BCAS3: variants seen among roughly 807,000 people sequenced by gnomAD.
BCAS3 encodes BCAS3 microtubule associated cell migration factor.
A neutral mutation model predicts 116.1 loss-of-function variants in BCAS3; 53 were observed. The observed-to-expected ratio is 0.46, with a 90% CI of 0.37 to 0.57. BCAS3 has a LOEUF of 0.57. Ranked by LOEUF, BCAS3 falls within the 20% of genes least tolerant of loss-of-function variation. The pLI, the probability that BCAS3 is intolerant of heterozygous loss-of-function variation, is 0.00. For missense variants in BCAS3, 917 were observed against 1,165.4 expected, an observed-to-expected ratio of 0.79 and a Z score of 3.10; for synonymous variants, 391 against 408.2, an observed-to-expected ratio of 0.96 and a Z score of 0.51.
chr17:61,373,533 G>A (rs561123201), intron 23 of BCAS3, among the ~76,000 whole-genome samples: 52 of 151,304 alleles, frequency 3.4e-4, no homozygotes, highest in African/African-American at 1.1e-3. Context: ...GGGTTCAAGC[G>A]ATTCTCATGC....
intron 7 of BCAS3, among the ~76,000 whole-genome samples, chr17:60,823,767 A>G (rs932367859): frequency 3.3e-5 from 5 of 152,206 alleles, no homozygotes; most frequent in African/African-American, 9.6e-5. Flanking sequence ...ATGAAAGCCA[A>G]TGGTGCATTA....
chr17:60,764,489 C>G (rs2043880593), intron 6 of BCAS3, among the ~76,000 whole-genome samples: 1 of 152,122 alleles, frequency 6.6e-6, no homozygotes, highest in Non-Finnish European at 1.5e-5. Context: ...GTTCAGTTTC[C>G]ATGTAGTTGT....
chr17:61,132,636 G>A lies in BCAS3; in HGVS notation c.2425+48072G>A, dbSNP rs1297928807. ...GAGAGGGAGAAAGATAAAGTGCCTT[G>A]GAAGCCGTGAAACATTCTAGGGAGC... is the stretch of plus-strand genomic sequence containing the variant. On this transcript the variant is annotated intron_variant, in intron 22 of 23. Coordinates refer to ENST00000407086, the MANE Select transcript of BCAS3 (RefSeq NM_017679.5). This position sits in a 1 kb window ranked among gnomAD's most constrained non-coding sequence, Gnocchi z 5.1. Among the ~76,000 whole-genome samples the A allele has an allele frequency of 1.3e-5, 2 of 152,160 alleles. No homozygotes were observed. Among genetic ancestry groups the A allele is most frequent in the Non-Finnish European group, 2.9e-5 (2 of 68,040 alleles).
chr17:61,185,798 G>A (rs987271829), intron 22 of BCAS3, among the ~76,000 whole-genome samples: 22 of 152,048 alleles, frequency 1.4e-4, no homozygotes, highest in Admixed American at 1.1e-3. Context: ...GTGAGAAATC[G>A]GTTACCTTAT....
At chr17:61,080,653 G>C (rs1412270786) in intron 21 of BCAS3, among the ~76,000 whole-genome samples, 2 of 152,042 alleles carry the variant, frequency 1.3e-5, no homozygotes, top group Non-Finnish European at 2.9e-5. Context: ...CCAGCTACTC[G>C]GGAGGCTGCG....
At chr17:61,257,648 T>C (rs1314797310) in intron 22 of BCAS3, among the ~76,000 whole-genome samples, 1 of 152,178 alleles carries the variant, frequency 6.6e-6, no homozygotes, top group African/African-American at 2.4e-5. Context: ...AAATCTTAAT[T>C]CATTATTGTC....
intron 22 of BCAS3, among the ~76,000 whole-genome samples, chr17:61,296,242 T>G (rs970690344): frequency 1.1e-4 from 17 of 152,190 alleles, no homozygotes; most frequent in Admixed American, 1.1e-3. Flanking sequence ...TCATATGCAT[T>G]CTCCAAGTTC....
At chr17:61,383,871 C>T (rs913150558) in intron 23 of BCAS3, 10 of 152,270 alleles carry the variant, frequency 6.6e-5, no homozygotes, top group African/African-American at 2.4e-4. Flanking sequence ...AGCCACTCTC[C>T]TGTGGTCTGC....
In BCAS3 at chr17:61,132,164, T is replaced by G. The variant is rs1568420507; in HGVS notation, c.2425+47600T>G. Among the ~76,000 whole-genome samples, 1 of 152,246 alleles carries G rather than the reference T, an allele frequency of 6.6e-6. No homozygotes were observed. The highest frequency in any genetic ancestry group is 1.5e-5 in the Non-Finnish European group (1 of 68,034). On this transcript the variant is annotated intron_variant, in intron 22 of 23. Transcript: ENST00000407086. This position sits in a 1 kb window ranked among gnomAD's most constrained non-coding sequence, Gnocchi z 5.1. ...TCACACTTCTGGTTTTTTCCAGTGA[T>G]TTTTACTAAATTTGATGTTAGGTAC...
chr17:61,105,360 G>C lies in BCAS3; in HGVS notation c.2425+20796G>C, dbSNP rs1044340651. Among the ~76,000 whole-genome samples the C allele has an allele frequency of 6.6e-6, 1 of 152,198 alleles. No homozygotes were observed. On this transcript the variant is annotated intron_variant, in intron 22 of 23. Coordinates refer to ENST00000407086, the MANE Select transcript of BCAS3 (RefSeq NM_017679.5). The surrounding 1 kb of genome is among the most constrained non-coding windows in gnomAD (Gnocchi z 4.3). Reference sequence around the variant, plus strand: ...TTCAATAAAACTTAAGTGGAATGTGGCTAGAAAAGCAGACCCATGAAAGGC... The same window carrying C: ...TTCAATAAAACTTAAGTGGAATGTGCCTAGAAAAGCAGACCCATGAAAGGC...
intron 4 of BCAS3, among the ~76,000 whole-genome samples, chr17:60,707,037 G>C (rs189590778): frequency 3.8e-4 from 58 of 151,974 alleles, no homozygotes; most frequent in African/African-American, 1.4e-3. Flanking sequence ...TGTTGCCCAG[G>C]CTGGAGTGCA....
At chr17:60,872,469 TA>T (rs1407886811) in intron 8 of BCAS3, among the ~76,000 whole-genome samples, 4 of 141,756 alleles carry the variant, frequency 2.8e-5, no homozygotes, top group African/African-American at 1.2e-4. Context: ...ACACCCCATA[TA>T]TATCTGTATG....
intron 18 of BCAS3, among the ~76,000 whole-genome samples, chr17:61,040,464 T>C (rs867860600): frequency 6.6e-6 from 1 of 152,236 alleles, no homozygotes; most frequent in Admixed American, 6.5e-5. Flanking sequence ...AGAAATTACA[T>C]AAATTAGAAC....
intron 12 of BCAS3, among the ~76,000 whole-genome samples, chr17:60,911,453 A>C (rs560960548): frequency 1.3e-5 from 2 of 152,170 alleles, no homozygotes; most frequent in Admixed American, 6.5e-5. Context: ...GCGTGCCTCC[A>C]TGCCCAGCTG....
chr17:60,824,082 A>G (rs935677535), intron 7 of BCAS3, among the ~76,000 whole-genome samples: 1 of 152,194 alleles, frequency 6.6e-6, no homozygotes, highest in Admixed American at 6.5e-5. Context: ...TTAGTATTCA[A>G]TTCATTTTTC....
chr17:60,726,180 C>T (rs1427900878), intron 5 of BCAS3, among the ~76,000 whole-genome samples: 2 of 149,336 alleles, frequency 1.3e-5, no homozygotes, highest in East Asian at 4.0e-4. Context: ...CAGGCGTGAG[C>T]CACTGCTCCC....
At chr17:60,887,951 C>G (rs2056845522) in intron 9 of BCAS3, among the ~76,000 whole-genome samples, 1 of 152,132 alleles carries the variant, frequency 6.6e-6, no homozygotes, top group Non-Finnish European at 1.5e-5. Flanking sequence ...ATCCAGTTCT[C>G]TTTGTCCAAT....
At chr17:61,146,611 T>G (rs1199444554) in intron 22 of BCAS3, among the ~76,000 whole-genome samples, 1 of 152,200 alleles carries the variant, frequency 6.6e-6, no homozygotes, top group Non-Finnish European at 1.5e-5. Flanking sequence ...AAAGTAAAAA[T>G]GATAGAATCT....
intron 22 of BCAS3, among the ~76,000 whole-genome samples, chr17:61,142,058 T>G (rs1022812373): frequency 9.8e-5 from 15 of 152,308 alleles, no homozygotes; most frequent in Non-Finnish European, 2.1e-4. Context: ...TTCTCATTTA[T>G]TGGTGTTTAT....
Sources: allele counts gnomAD v4.1 joint callset (sites outside exome capture counted in the v4.1 genomes callset), GRCh38; gene constraint gnomAD v4.1.1; non-coding constraint Gnocchi (gnomAD v3.1); transcripts MANE v1.5; gene names NCBI Gene and HGNC (gene_info 2026-07-23, HGNC 2026-07-21).